Variants in DMD observed in about 807,000 individuals in gnomAD.
DMD encodes the protein mutant dystrophin.
Under a neutral mutation model 330.1 loss-of-function variants are expected in DMD, and 63 were observed. The ratio of observed to expected loss-of-function variants is 0.19; its 90% CI spans 0.16 to 0.24. The LOEUF is 0.24. DMD is among the 10% of genes least tolerant of loss of function. The pLI, the probability that DMD is intolerant of heterozygous loss-of-function variation, is 1.00. For missense variants in DMD, 3,344 were observed against 2,684.1 expected, an observed-to-expected ratio of 1.25 and a Z score of -5.43; for synonymous variants, 1,223 against 959.8, an observed-to-expected ratio of 1.27 and a Z score of -5.07.
intron 1 of DMD, among the ~76,000 whole-genome samples, chrX:33,230,051 G>C (rs1418440398): frequency 8.9e-6 from 1 of 111,792 alleles, no homozygotes; most frequent in Non-Finnish European, 1.9e-5. Context: ...TGCGAACATA[G>C]CAAAAGGTCT....
chrX:31,242,010 A>G (rs985058851), intron 63 of DMD, among the ~76,000 whole-genome samples: 3 of 110,557 alleles, frequency 2.7e-5, no homozygotes, highest in Non-Finnish European at 5.7e-5. Flanking sequence ...TAATCCCAGC[A>G]CTTTAGGAAG....
rs146420425 is a variant in DMD, at chrX:32,364,688, G to C, written c.5048C>G (p.Thr1683Ser). ...GATGTGGTCCACATTCTGGTCAAAA[G>C]TTTCCATGTGTTTCTGGTATTCCTT... ...LLLEYQKHME[T>S]FDQNVDHITK... is the part of the protein sequence containing the mutation. The change falls in exon 36 of 79, where the codon ACT (threonine) becomes AGT (serine). Residue 1683 changes from threonine (T) to serine (S), a missense_variant. Coordinates refer to ENST00000357033, the MANE Select transcript of DMD (RefSeq NM_004006.3). 2.0e-5 allele frequency: 24 copies of C among 1,206,966 alleles called. No individual in the cohort carries two copies. In the African/African-American group the frequency reaches 3.2e-4, roughly 16 times the overall value.
chrX:32,098,709 C>T (rs1168335772), intron 44 of DMD, among the ~76,000 whole-genome samples: 1 of 111,656 alleles, frequency 9.0e-6, no homozygotes, highest in Non-Finnish European at 1.9e-5. Context: ...CATACTTTAC[C>T]TTCTCTTATT....
chrX:31,904,761 C>A (rs982563325), intron 47 of DMD, among the ~76,000 whole-genome samples: 11 of 111,542 alleles, frequency 9.9e-5, no homozygotes, highest in African/African-American at 3.6e-4. Flanking sequence ...ACCTAGTGTG[C>A]AGCCTTTGTG....
intron 2 of DMD, among the ~76,000 whole-genome samples, chrX:33,016,740 T>C (rs5972735): frequency 0.38 from 41,677 of 110,770 alleles, 6,406 homozygotes; most frequent in Non-Finnish European, 0.48. Flanking sequence ...TTTATCTCTC[T>C]CAATTGAGCT....
intron 43 of DMD, among the ~76,000 whole-genome samples, chrX:32,266,334 A>G (rs5927953): frequency 0.49 from 54,418 of 110,687 alleles, 9,771 homozygotes; most frequent in Middle Eastern, 0.62. Context: ...ACTGTGAGTC[A>G]ATTAAACCTC....
chrX:33,217,087 G>A (rs2052071119), intron 1 of DMD, among the ~76,000 whole-genome samples: 1 of 111,023 alleles, frequency 9.0e-6, no homozygotes, highest in African/African-American at 3.3e-5. Flanking sequence ...TATTGATTAG[G>A]GAAAAAATCA....
At chrX:32,568,607 A>C (rs1330728895) in intron 15 of DMD, among the ~76,000 whole-genome samples, 2 of 111,743 alleles carry the variant, frequency 1.8e-5, no homozygotes, top group East Asian at 5.6e-4. Flanking sequence ...ATGAATTTTT[A>C]TATGTCTGTA....
intron 1 of DMD, among the ~76,000 whole-genome samples, chrX:33,081,312 C>G (rs1178550210): frequency 8.9e-6 from 1 of 111,918 alleles, no homozygotes; most frequent in East Asian, 2.8e-4. Context: ...CTCGCTCTGT[C>G]ACCCAGGCTG....
chrX:33,335,318 G>A (rs149704165), intron 1 of DMD, among the ~76,000 whole-genome samples: 6,242 of 107,183 alleles, frequency 0.058, 211 homozygotes, highest in Middle Eastern at 0.12. Context: ...TCTAAAATTC[G>A]TTCTCATTTT....
intron 2 of DMD, among the ~76,000 whole-genome samples, chrX:33,006,743 TAGG>T (rs774336572): frequency 1.8e-5 from 2 of 111,480 alleles, no homozygotes; most frequent in Admixed American, 1.9e-4. Context: ...GGATAAATTT[TAGG>T]AGTTGAAAAT....
chrX:32,054,086 TGTGAGAGAGAGA>T (rs1317879744), intron 44 of DMD, among the ~76,000 whole-genome samples: 69 of 79,009 alleles, frequency 8.7e-4, no homozygotes, highest in South Asian at 3.6e-3. Flanking sequence ...TGTGTGTGTG[TGTGAGAGAGAGA>T]GAGAGAGAGA....
rs766840500 is a variant in DMD, at chrX:31,697,412, T to C, written c.7661-17826A>G. Among the ~76,000 whole-genome samples, 9 of 111,360 alleles carry C rather than the reference T, an allele frequency of 8.1e-5. No homozygotes were observed. The South Asian group carries it at 1.9e-3, about 24-fold the overall frequency. ...CGTCATGGAAAGCTTCTCGACTAAT[T>C]TGTGCAGTAAATAGATGTTGGGTAA... On this transcript the variant is annotated intron_variant, in intron 52 of 78. Transcript: ENST00000357033.
rs1341943909 is a variant in DMD at position 31,134,051 on chromosome X, G to A, written c.11014+51C>T. 1.1e-5 allele frequency: 12 copies of A among 1,093,135 alleles called. No individual in the cohort carries two copies. The South Asian group carries it at 1.3e-4, about 12-fold the overall frequency. The allele number at this position is 1,093,135 out of a possible 1,213,427, so 90.1% of individuals were successfully genotyped here. Reference sequence around the variant, plus strand: ...ACACACACCAGTTGGGTAGGGAAGCGAGTGGCCTGATCCCAGCAAATCTGA... The same window carrying A: ...ACACACACCAGTTGGGTAGGGAAGCAAGTGGCCTGATCCCAGCAAATCTGA... On this transcript the variant is annotated intron_variant, in intron 77 of 78. Transcript: ENST00000357033.
At chrX:32,637,551 A>C (rs1416504142) in intron 11 of DMD, among the ~76,000 whole-genome samples, 5 of 111,693 alleles carry the variant, frequency 4.5e-5, no homozygotes, top group Non-Finnish European at 9.4e-5. Context: ...AATGTACTGT[A>C]CTAGTCTGTT....
At chrX:31,410,920 TG>T (rs1403686336) in intron 60 of DMD, among the ~76,000 whole-genome samples, 1,301 of 92,826 alleles carry the variant, frequency 0.014, 47 homozygotes, top group African/African-American at 0.054. Context: ...TCTGTGTGTG[TG>T]TTTTTTTTTT....
chrX:31,131,188 A>T (rs188865335), intron 77 of DMD, among the ~76,000 whole-genome samples: 1,253 of 112,305 alleles, frequency 0.011, 18 homozygotes, highest in African/African-American at 0.035. Context: ...CAAAATTTAA[A>T]TTTTTTTGAA....
At chrX:31,790,856 T>C (rs1419669743) in intron 50 of DMD, among the ~76,000 whole-genome samples, 1 of 111,948 alleles carries the variant, frequency 8.9e-6, no homozygotes, top group Non-Finnish European at 1.9e-5. Context: ...ATAATAACTT[T>C]ATATCTAGCA....
At chrX:32,572,031 A>G (rs1465676865) in intron 15 of DMD, among the ~76,000 whole-genome samples, 4 of 111,737 alleles carry the variant, frequency 3.6e-5, no homozygotes, top group African/African-American at 1.3e-4. Flanking sequence ...AACTACAAAT[A>G]CAGCTGATAT....
Sources: allele counts gnomAD v4.1 joint callset (sites outside exome capture counted in the v4.1 genomes callset), GRCh38; gene constraint gnomAD v4.1.1; transcripts MANE v1.5; gene names NCBI Gene and HGNC (gene_info 2026-07-23, HGNC 2026-07-21).